Variants in SMC6 observed in about 807,000 individuals in gnomAD.
SMC6 encodes structural maintenance of chromosomes 6, also known as structural maintenance of chromosomes protein 6.
Under a neutral mutation model 142.2 loss-of-function variants are expected in SMC6, and 79 were observed. The observed-to-expected ratio is 0.56, with a 90% CI of 0.46 to 0.67. The LOEUF is 0.67. Ranked by LOEUF, SMC6 falls within the 30% of genes least tolerant of loss-of-function variation. The pLI, the probability that SMC6 is intolerant of heterozygous loss-of-function variation, is 0.00. For synonymous variants in SMC6, 411 were observed against 412.4 expected (o/e 1.00, Z 0.04); for missense variants, 1,072 against 1,284.0 (o/e 0.83, Z 2.52).
chr2:17,672,479 A>G (rs1666805780), intron 25 of SMC6, among the ~76,000 whole-genome samples: 1 of 152,172 alleles, frequency 6.6e-6, no homozygotes. Context: ...AAAGTGTACA[A>G]CTCAATTTTT....
chr2:17,739,821 A>AACAC (rs148768584), intron 4 of SMC6, among the ~76,000 whole-genome samples: 1,147 of 111,450 alleles, frequency 0.01, 15 homozygotes, highest in South Asian at 0.029. Context: ...TTTCTCTTTA[A>AACAC]ACACACACAC....
chr2:17,721,391 A>T, intron 9 of SMC6, 130 bp from the exon 10 acceptor site: 1 of 932,782 alleles, frequency 1.1e-6, no homozygotes, highest in Non-Finnish European at 1.5e-6. Context: ...AATAACTTCT[A>T]TTTTTTAAAA....
intron 24 of SMC6, among the ~76,000 whole-genome samples, chr2:17,682,606 C>T (rs757965163): frequency 1.3e-5 from 2 of 152,098 alleles, no homozygotes; most frequent in African/African-American, 2.4e-5. Flanking sequence ...AGCTCACACA[C>T]GACCAGGAAT....
intron 22 of SMC6, among the ~76,000 whole-genome samples, 194 bp from the exon 23 acceptor site, chr2:17,695,491 A>C (rs1467279927): frequency 2.0e-5 from 3 of 152,202 alleles, no homozygotes; most frequent in Non-Finnish European, 2.9e-5. Flanking sequence ...AATGACCTCA[A>C]GAGAAAACTG....
intron 3 of SMC6, among the ~76,000 whole-genome samples, chr2:17,743,301 GAGTA>G (rs1286173775): frequency 6.6e-6 from 1 of 152,136 alleles, no homozygotes; most frequent in African/African-American, 2.4e-5. Context: ...TCTAATCCGT[GAGTA>G]AGTATGTGTC....
At chr2:17,673,212 T>G (rs1666847109) in intron 25 of SMC6, among the ~76,000 whole-genome samples, 1 of 152,234 alleles carries the variant, frequency 6.6e-6, no homozygotes, top group South Asian at 2.1e-4. Flanking sequence ...TGGTTTCTAT[T>G]TAAGCCTTTT....
At chr2:17,708,171 G>C (rs144368169) in intron 17 of SMC6, among the ~76,000 whole-genome samples, 303 of 151,882 alleles carry the variant, frequency 2.0e-3, no homozygotes, top group African/African-American at 6.9e-3. Flanking sequence ...AACAAAATAT[G>C]GTGATCTAAT....
At chr2:17,672,421 T>TCC (rs56143490) in intron 25 of SMC6, among the ~76,000 whole-genome samples, 152,337 of 152,338 alleles carry the variant, frequency 1, 76,168 homozygotes, top group Non-Finnish European at 1. Flanking sequence ...TCTAATACTT[T>TCC]TTTTTCTCCA....
intron 23 of SMC6, among the ~76,000 whole-genome samples, chr2:17,688,683 A>G (rs1667569341): frequency 6.6e-6 from 1 of 152,202 alleles, no homozygotes; most frequent in African/African-American, 2.4e-5. Context: ...TCAATTAATA[A>G]CTGTAACAGT....
At chr2:17,683,270 A>C (rs1667311944) in intron 24 of SMC6, among the ~76,000 whole-genome samples, 1 of 152,238 alleles carries the variant, frequency 6.6e-6, no homozygotes, top group African/African-American at 2.4e-5. Flanking sequence ...TCATTCTAGT[A>C]GATTATGGTA....
At chr2:17,737,098 T>C (rs375795021) in intron 5 of SMC6, among the ~76,000 whole-genome samples, 2 of 152,184 alleles carry the variant, frequency 1.3e-5, no homozygotes, top group African/African-American at 4.8e-5. Context: ...TGTTATCAAA[T>C]AGTTTTTTCC....
At chr2:17,710,986 G>A (rs927270025) in intron 16 of SMC6, among the ~76,000 whole-genome samples, 2 of 152,106 alleles carry the variant, frequency 1.3e-5, no homozygotes, top group Non-Finnish European at 2.9e-5. Flanking sequence ...AGAAACGTCA[G>A]GCAGTCAATG....
intron 11 of SMC6, among the ~76,000 whole-genome samples, chr2:17,720,732 G>A (rs1225271054): frequency 6.6e-6 from 1 of 152,092 alleles, no homozygotes; most frequent in African/African-American, 2.4e-5. Flanking sequence ...CCTCTGACAG[G>A]TTTATCAAGG....
intron 2 of SMC6, 187 bp from the exon 3 acceptor site, chr2:17,746,138 A>G (rs910975510): frequency 5.7e-6 from 3 of 528,248 alleles, no homozygotes; most frequent in Non-Finnish European, 6.1e-6. Context: ...AAAATGCTGG[A>G]AAAGGCAAGG....
chr2:17,752,330 T>C (rs746584747), intron 2 of SMC6, among the ~76,000 whole-genome samples: 11 of 152,246 alleles, frequency 7.2e-5, no homozygotes, highest in Non-Finnish European at 1.5e-4. Context: ...GTTGTTATAC[T>C]GTACTGTTTA....
chr2:17,738,292 G>C lies in SMC6; in HGVS notation c.273C>G (p.Val91=). 1 of 1,613,220 alleles carries C rather than the reference G, an allele frequency of 6.2e-7. No homozygotes were observed. The highest frequency in any genetic ancestry group is 1.7e-5 in the Admixed American group (1 of 59,978). The part of the protein sequence containing the change: ...GKSAVLTALI[V]GLGGRAVATN... ...TAGCAACTGCTCTTCCACCAAGACC[G>C]ACTATGAGAGCTGTGAGTACTGCAC... Residue 91 remains valine (V), a synonymous_variant, in exon 5 of 28, where the codon GTC becomes GTG. Coordinates refer to ENST00000448223, the MANE Select transcript of SMC6 (RefSeq NM_001142286.2).
intron 5 of SMC6, 68 bp from the exon 6 acceptor site, chr2:17,731,945 T>G (rs1374831590): frequency 6.8e-7 from 1 of 1,475,742 alleles, no homozygotes; most frequent in African/African-American, 1.4e-5. Context: ...GTTGCCACAG[T>G]TTTCAAATTT....
At chr2:17,679,035 T>G in intron 24 of SMC6, 71 bp from the exon 25 acceptor site, 1 of 1,014,918 alleles carries the variant, frequency 9.9e-7, no homozygotes, top group Non-Finnish European at 1.5e-6. Flanking sequence ...CAGCATGATC[T>G]AAGCATGTGA....
chr2:17,693,032 C>T (rs894711755), intron 23 of SMC6, among the ~76,000 whole-genome samples: 11 of 152,064 alleles, frequency 7.2e-5, no homozygotes, highest in African/African-American at 2.4e-5. Context: ...GTTAGAATGG[C>T]GATCATTAAC....
Sources: allele counts gnomAD v4.1 joint callset (sites outside exome capture counted in the v4.1 genomes callset), GRCh38; gene constraint gnomAD v4.1.1; transcripts MANE v1.5; gene names NCBI Gene and HGNC (gene_info 2026-07-23, HGNC 2026-07-21).